Variants in EXOSC9 observed in about 807,000 individuals in gnomAD.
EXOSC9 encodes the protein exosome complex component RRP45.
EXOSC9 carries 38 observed loss-of-function variants against 56.5 expected under a neutral mutation model. The ratio of observed to expected loss-of-function variants is 0.67; its 90% CI spans 0.52 to 0.88. The LOEUF (loss-of-function observed/expected upper bound fraction) is 0.88. Ranked by LOEUF, EXOSC9 falls within the 40% of genes least tolerant of loss-of-function variation. EXOSC9 has a pLI of 0.00. For synonymous variants in EXOSC9, 170 were observed against 170.8 expected, an observed-to-expected ratio of 0.99 and a Z score of 0.04; for missense variants, 559 against 530.5, an observed-to-expected ratio of 1.05 and a Z score of -0.53.
chr4:121,816,319 A>G, intron 10 of EXOSC9, 50 bp from the exon 11 acceptor site: 1 of 1,073,616 alleles, frequency 9.3e-7, no homozygotes, highest in Non-Finnish European at 1.3e-6. Context: ...AAATTTTGCA[A>G]GAGATTGCTT....
chr4:121,810,844 C>T (rs1485130686), intron 7 of EXOSC9, among the ~76,000 whole-genome samples: 3 of 152,030 alleles, frequency 2.0e-5, no homozygotes, highest in African/African-American at 4.8e-5. Flanking sequence ...GCCTGGGCTA[C>T]GGAATGAGAC....
chr4:121,809,858 C>T, intron 6 of EXOSC9, 109 bp from the exon 7 acceptor site: 2 of 1,290,296 alleles, frequency 1.6e-6, no homozygotes, highest in Non-Finnish European at 2.2e-6. Flanking sequence ...AGGCTCAGAC[C>T]TTTATTCTCT....
At chr4:121,816,345 T>C in intron 10 of EXOSC9, 24 bp from the exon 11 acceptor site, 1 of 1,350,320 alleles carries the variant, frequency 7.4e-7, no homozygotes, top group South Asian at 1.4e-5. Context: ...TTTTTTTTTT[T>C]TTTAAATTAA....
chr4:121,814,248 A>C, intron 10 of EXOSC9: 1 of 337,818 alleles, frequency 3.0e-6, no homozygotes, highest in Non-Finnish European at 5.4e-6. Context: ...ATATGTAGTT[A>C]TATATAGGGA....
Position 121,816,955 on chromosome 4 carries a change from T to C in EXOSC9, c.*99T>C. 8.5e-7 allele frequency: 1 copy of C among 1,169,632 alleles called. No homozygotes were observed. The highest frequency in any genetic ancestry group is 1.1e-6 in the Non-Finnish European group (1 of 869,868). The allele number at this position is 1,169,632 out of a possible 1,614,324, so 72.5% of individuals were successfully genotyped here. A position where few individuals can be genotyped will look rare whatever the true frequency, so the allele number is the denominator to read the frequency against. ...TTTTATTCACAAATCCATTATAAAA[T>C]CTAGCAGGATTTTAAAAATAGTTTT... On this transcript the variant is annotated 3_prime_UTR_variant, in exon 12 of 12. Transcript: ENST00000243498.
At chr4:121,816,201 C>A in intron 10 of EXOSC9, 168 bp from the exon 11 acceptor site, 1 of 633,552 alleles carries the variant, frequency 1.6e-6, no homozygotes, top group South Asian at 2.0e-5. Context: ...TCAGGTAATC[C>A]ACCTGCCTCA....
chr4:121,810,979 T>A (rs918947574), intron 7 of EXOSC9, among the ~76,000 whole-genome samples: 1 of 152,230 alleles, frequency 6.6e-6, no homozygotes, highest in African/African-American at 2.4e-5. Context: ...ATATATCATA[T>A]TCACATGGGA....
At chr4:121,803,203 G>A (rs1726921109) in intron 4 of EXOSC9, among the ~76,000 whole-genome samples, 186 bp downstream of exon 4, 1 of 151,944 alleles carries the variant, frequency 6.6e-6, no homozygotes, top group South Asian at 2.1e-4. Flanking sequence ...GGGACAAAAA[G>A]GGTGTCCCTT....
Position 121,813,984 on chromosome 4 carries a change from G to A in EXOSC9, c.1093G>A (p.Ala365Thr), listed in dbSNP as rs768578666. Reference sequence around the variant, plus strand: ...AGATGATGAAGGCGGTGGTGATCAAGCTATCATTCTTGATGGTATAAAAAT... The same window carrying A: ...AGATGATGAAGGCGGTGGTGATCAAACTATCATTCTTGATGGTATAAAAAT... ...KEDDEGGGDQ[A>T]IILDGIKMDT... Residue 365 changes from alanine (A) to threonine (T), a missense_variant, in exon 10 of 12, where the codon GCT becomes ACT. By Grantham distance (58) the Ala-to-Thr change is moderately conservative. Coordinates refer to ENST00000243498, the MANE Select transcript of EXOSC9 (RefSeq NM_005033.3). 2.3e-5 allele frequency: 37 copies of A among 1,613,712 alleles called. No individual in the cohort carries two copies. The highest frequency in any genetic ancestry group is 3.0e-5 in the Non-Finnish European group (35 of 1,179,852).
At chr4:121,807,122 G>A (rs1247595992) in intron 5 of EXOSC9, among the ~76,000 whole-genome samples, 3 of 151,782 alleles carry the variant, frequency 2.0e-5, no homozygotes, top group African/African-American at 7.3e-5. Flanking sequence ...GAGAAACCCC[G>A]TCTACTAAAA....
chr4:121,811,847 T>C (rs1296366460), intron 8 of EXOSC9, among the ~76,000 whole-genome samples, 176 bp downstream of exon 8: 2 of 152,248 alleles, frequency 1.3e-5, no homozygotes, highest in Non-Finnish European at 2.9e-5. Context: ...GGTATAGTTA[T>C]GTTACCCAAA....
intron 10 of EXOSC9, chr4:121,815,010 GT>G (rs1490314916): frequency 6.6e-6 from 1 of 152,182 alleles, no homozygotes; most frequent in African/African-American, 2.4e-5. Flanking sequence ...AAATACTTCT[GT>G]TTTCAAAGAG....
intron 8 of EXOSC9, among the ~76,000 whole-genome samples, chr4:121,812,704 C>T (rs943369190): frequency 2.0e-5 from 3 of 151,970 alleles, no homozygotes; most frequent in South Asian, 2.1e-4. Flanking sequence ...TTGGCCAGGC[C>T]GGTCTCAAAC....
At chr4:121,809,225 G>A (rs1231472382) in intron 6 of EXOSC9, among the ~76,000 whole-genome samples, 1 of 151,638 alleles carries the variant, frequency 6.6e-6, no homozygotes, top group Non-Finnish European at 1.5e-5. Context: ...GAGCTCAAGT[G>A]ATCTTGCAGT....
chr4:121,814,095 T>A, intron 10 of EXOSC9, 48 bp downstream of exon 10: 1 of 1,151,078 alleles, frequency 8.7e-7, no homozygotes, highest in Middle Eastern at 2.4e-4. Context: ...ATACATATAG[T>A]ATTACCGTAT....
intron 7 of EXOSC9, among the ~76,000 whole-genome samples, chr4:121,810,645 G>C (rs1370012489): frequency 6.6e-6 from 1 of 152,076 alleles, no homozygotes; most frequent in Non-Finnish European, 1.5e-5. Flanking sequence ...TCGTGCCATT[G>C]TTCTCCAGTC....
intron 5 of EXOSC9, 71 bp from the exon 6 acceptor site, chr4:121,807,469 T>C: frequency 1.2e-6 from 1 of 812,276 alleles, no homozygotes; most frequent in Non-Finnish European, 2.0e-6. Context: ...TAGTATTTGA[T>C]GTGCAAGATG....
At position 121,816,908 on chromosome 4, in the gene EXOSC9, C is replaced by T. The variant is rs377691288; in HGVS notation, c.*52C>T. The T allele has an allele frequency of 4.9e-6, 7 of 1,426,602 alleles. No homozygotes were observed. The highest frequency in any genetic ancestry group is 2.6e-5 in the East Asian group (1 of 39,154). The allele number at this position is 1,426,602 out of a possible 1,614,324, so 88.4% of individuals were successfully genotyped here. On this transcript the variant is annotated 3_prime_UTR_variant, in exon 12 of 12. Coordinates refer to ENST00000243498, the MANE Select transcript of EXOSC9 (RefSeq NM_005033.3). ...TAACTATTAAAAGGGATATTTATTC[C>T]ATTCTGAGAACCCTGGGTATTTTTT...
At chr4:121,814,632 T>A (rs1324583858) in intron 10 of EXOSC9, 2 of 152,186 alleles carry the variant, frequency 1.3e-5, no homozygotes, top group African/African-American at 4.8e-5. Context: ...TAGCCCCACA[T>A]GGCTAGTGAA....
Sources: allele counts gnomAD v4.1 joint callset (sites outside exome capture counted in the v4.1 genomes callset), GRCh38; gene constraint gnomAD v4.1.1; transcripts MANE v1.5; gene names NCBI Gene and HGNC (gene_info 2026-07-23, HGNC 2026-07-21).